EXOC1L: variants seen among roughly 807,000 people sequenced by gnomAD.
The protein encoded by EXOC1L is exocyst complex component 1 like.
Under a neutral mutation model 4.9 loss-of-function variants are expected in EXOC1L, and 10 were observed. The observed-to-expected ratio is 2.02, with a 90% CI of 1.25 to 3.43. The LOEUF (loss-of-function observed/expected upper bound fraction) is 3.43. Ranked by LOEUF, EXOC1L falls within the 30% of genes most tolerant of loss-of-function variation. EXOC1L has a pLI of 0.00. For missense variants in EXOC1L, 114 were observed against 59.4 expected (o/e 1.92, Z -3.02); for synonymous variants, 41 against 20.8 (o/e 1.97, Z -2.63).
chr4:55,823,322 C>T (rs1293084941), intron 1 of EXOC1L, among the ~76,000 whole-genome samples: 1 of 152,088 alleles, frequency 6.6e-6, no homozygotes, highest in Non-Finnish European at 1.5e-5. Flanking sequence ...ATTTTAAAGA[C>T]TTCATTTGGG....
intron 1 of EXOC1L, among the ~76,000 whole-genome samples, chr4:55,829,844 A>G (rs2110283521): frequency 6.6e-6 from 1 of 152,346 alleles, no homozygotes; most frequent in African/African-American, 2.4e-5. Context: ...ACACAGGTCC[A>G]AAGTGGTTTC....
Position 55,837,263 on chromosome 4 carries a change from C to T in EXOC1L, c.431C>T (p.Ser144Phe). 1 of 700,620 alleles carries T rather than the reference C, an allele frequency of 1.4e-6. No individual in the cohort carries two copies. Among genetic ancestry groups the T allele is most frequent in the Non-Finnish European group, 2.6e-6 (1 of 383,722 alleles). The allele number at this position is 700,620 out of a possible 1,614,324, so 43.4% of individuals were successfully genotyped here. A position where few individuals can be genotyped will look rare whatever the true frequency, so the allele number is the denominator to read the frequency against. Residue 144 changes from serine to phenylalanine, a missense_variant, in exon 3 of 3, where the codon TCC becomes TTC. Ser to Phe is a radical substitution (Grantham distance 155). Transcript: ENST00000636125. ...ATTAACGATGATTCCATTTGGTCCT[C>T]CAACAATAAGGATTGTTTGGTCCTT... ...TYINDDSIWSSNNKDCLVLMR... is the reference protein window; with the variant it reads ...TYINDDSIWSFNNKDCLVLMR...
intron 1 of EXOC1L, among the ~76,000 whole-genome samples, chr4:55,825,659 C>T (rs768435725): frequency 1.5e-4 from 23 of 152,216 alleles, no homozygotes; most frequent in African/African-American, 3.6e-4. Context: ...TTCTATCTCC[C>T]GTTCTGTAAA....
intron 2 of EXOC1L, 47 bp from the exon 3 acceptor site, chr4:55,837,038 C>A (rs1433618642): frequency 1.6e-6 from 1 of 629,016 alleles, no homozygotes; most frequent in Non-Finnish European, 2.9e-6. Flanking sequence ...GGAAACCTAA[C>A]TACTTTCTTG....
intron 2 of EXOC1L, among the ~76,000 whole-genome samples, chr4:55,835,562 G>T (rs1331488487): frequency 6.6e-6 from 1 of 152,082 alleles, no homozygotes; most frequent in African/African-American, 2.4e-5. Context: ...GCAGGAGTAA[G>T]GTGGTATTGC....
chr4:55,834,142 C>G (rs914600668), intron 2 of EXOC1L, among the ~76,000 whole-genome samples: 1 of 151,668 alleles, frequency 6.6e-6, no homozygotes, highest in Non-Finnish European at 1.5e-5. Flanking sequence ...ATATCAATAC[C>G]AATGATACAG....
At chr4:55,822,925 G>A (rs1056409341) in intron 1 of EXOC1L, among the ~76,000 whole-genome samples, 3 of 151,068 alleles carry the variant, frequency 2.0e-5, no homozygotes, top group Non-Finnish European at 2.9e-5. Context: ...TGAAATATAT[G>A]TGTATATATG....
At chr4:55,823,825 G>A (rs1447044) in intron 1 of EXOC1L, among the ~76,000 whole-genome samples, 11,808 of 151,932 alleles carry the variant, frequency 0.078, 515 homozygotes, top group African/African-American at 0.087. Context: ...CTCCTGTCAA[G>A]GTTGTTTTGC....
chr4:55,833,731 A>G lies in EXOC1L; in HGVS notation c.252+2267A>G, dbSNP rs1261481463. ...GGACTGTCAATTTAGATTCATTTCAAATCAACTAACTGTGCTCTATTTTTT... is the reference window on the plus strand; with the variant it reads ...GGACTGTCAATTTAGATTCATTTCAGATCAACTAACTGTGCTCTATTTTTT... On this transcript the variant is annotated intron_variant, in intron 2 of 2. Coordinates refer to ENST00000636125, the MANE Select transcript of EXOC1L (RefSeq NM_001351574.3). Among the ~76,000 whole-genome samples the G allele has an allele frequency of 2.6e-5, 4 of 151,910 alleles. No homozygotes were observed. The East Asian group carries it at 7.7e-4, about 29-fold the overall frequency.
intron 2 of EXOC1L, among the ~76,000 whole-genome samples, chr4:55,836,829 A>G (rs1447050): frequency 0.61 from 93,140 of 151,750 alleles, 28,863 homozygotes; most frequent in African/African-American, 0.7. Context: ...CTTAATAACC[A>G]CACAGTCTGA....
intron 1 of EXOC1L, among the ~76,000 whole-genome samples, chr4:55,830,711 G>A (rs760591868): frequency 1.4e-4 from 22 of 152,056 alleles, no homozygotes; most frequent in Non-Finnish European, 2.9e-4. Context: ...TGTGCAAATA[G>A]CACATTTTGA....
chr4:55,820,640 G>C (rs1719717087), intron 1 of EXOC1L, among the ~76,000 whole-genome samples: 2 of 152,270 alleles, frequency 1.3e-5, no homozygotes, highest in East Asian at 3.9e-4. Context: ...TAGACTTCTT[G>C]TGGTTTATTT....
At chr4:55,835,327 G>A (rs1288843379) in intron 2 of EXOC1L, among the ~76,000 whole-genome samples, 1 of 151,782 alleles carries the variant, frequency 6.6e-6, no homozygotes, top group African/African-American at 2.4e-5. Context: ...GCATGTGTAA[G>A]TATCTTTTTA....
intron 2 of EXOC1L, among the ~76,000 whole-genome samples, chr4:55,834,111 T>TATTACATGTTTTACATTTACATA (rs1720103239): frequency 6.6e-6 from 1 of 151,954 alleles, no homozygotes; most frequent in Non-Finnish European, 1.5e-5. Flanking sequence ...TAATTTACAT[T>TATTACATGTTTTACATTTACATA]ATTACATGTT....
At chr4:55,822,678 G>A (rs1415764542) in intron 1 of EXOC1L, among the ~76,000 whole-genome samples, 1 of 152,154 alleles carries the variant, frequency 6.6e-6, no homozygotes, top group Non-Finnish European at 1.5e-5. Context: ...GAAACCTGGT[G>A]CTGCTTTGCC....
At chr4:55,831,621 G>GC (rs908550312) in intron 2 of EXOC1L, among the ~76,000 whole-genome samples, 157 bp downstream of exon 2, 17 of 152,078 alleles carry the variant, frequency 1.1e-4, no homozygotes, top group African/African-American at 3.9e-4. Flanking sequence ...TGATGTACTG[G>GC]TTTTTTTATT....
At chr4:55,835,995 A>C (rs1022134293) in intron 2 of EXOC1L, among the ~76,000 whole-genome samples, 1 of 151,936 alleles carries the variant, frequency 6.6e-6, no homozygotes, top group Non-Finnish European at 1.5e-5. Flanking sequence ...GAGAAAAATG[A>C]GAGTCAGATC....
chr4:55,824,118 C>T (rs1280455827), intron 1 of EXOC1L, among the ~76,000 whole-genome samples: 1 of 151,982 alleles, frequency 6.6e-6, no homozygotes, highest in Non-Finnish European at 1.5e-5. Context: ...CAATTAATTA[C>T]AATCACAATT....
chr4:55,822,441 C>A (rs565897366), intron 1 of EXOC1L, among the ~76,000 whole-genome samples: 2 of 152,158 alleles, frequency 1.3e-5, no homozygotes, highest in Non-Finnish European at 2.9e-5. Context: ...AGAACATTAT[C>A]ACTGGAAGTT....
Sources: allele counts gnomAD v4.1 joint callset (sites outside exome capture counted in the v4.1 genomes callset), GRCh38; gene constraint gnomAD v4.1.1; transcripts MANE v1.5; gene names NCBI Gene and HGNC (gene_info 2026-07-23, HGNC 2026-07-21).